ABL1: variants seen among roughly 807,000 people sequenced by gnomAD.
ABL1 encodes the protein tyrosine-protein kinase ABL1.
A neutral mutation model predicts 94.7 loss-of-function variants in ABL1; 11 were observed. The ratio of observed to expected loss-of-function variants is 0.12; its 90% CI spans 0.07 to 0.19. ABL1 has a LOEUF of 0.19. ABL1 is among the 10% of genes least tolerant of loss of function. ABL1 has a pLI of 1.00. For synonymous variants in ABL1, 656 were observed against 622.4 expected (o/e 1.05, Z -0.80); for missense variants, 1,082 against 1,489.4 (o/e 0.73, Z 4.50).
chr9:130,767,113 T>G (rs1832193662), intron 1 of ABL1, among the ~76,000 whole-genome samples: 1 of 151,956 alleles, frequency 6.6e-6, no homozygotes, highest in African/African-American at 2.4e-5. Flanking sequence ...CCAGCTCACA[T>G]GACATCTTTT....
rs1831085078 is a variant in ABL1 at position 130,862,221 on chromosome 9, C to T, written c.550-542C>T. 2.0e-5 allele frequency among the ~76,000 whole-genome samples: 3 copies of T among 152,322 alleles called. No individual in the cohort carries two copies. The highest frequency in any genetic ancestry group is 4.1e-4 in the South Asian group (2 of 4,828). On this transcript the variant is annotated intron_variant, in intron 3 of 10. Transcript: ENST00000318560. This position sits in a 1 kb window ranked among gnomAD's most constrained non-coding sequence, Gnocchi z 5.5. ...TTAATCAACAGTTATTTATTGAGTA[C>T]TTATTACATGTTGATTTCCTGTTCT...
chr9:130,859,669 TTTC>T lies in ABL1; in HGVS notation c.550-3091_550-3089del, dbSNP rs1319119609. On this transcript the variant is annotated intron_variant, in intron 3 of 10. Coordinates refer to ENST00000318560, the MANE Select transcript of ABL1 (RefSeq NM_005157.6). ...GTCAAAAGAAACGCTGTTTCTTTTC[TTTC>T]TTTCCTTTTTTTTTTTTTTTTTTTT... 6.3e-5 allele frequency among the ~76,000 whole-genome samples: 9 copies of T among 143,354 alleles called. 1 individual carries two copies. The highest frequency in any genetic ancestry group is 2.5e-4 in the African/African-American group (9 of 35,942). 94.0% of individuals were successfully genotyped at this position (143,354 alleles called of 152,430 possible).
At chr9:130,730,262 G>C (rs763498019) in intron 1 of ABL1, among the ~76,000 whole-genome samples, 1 of 151,076 alleles carries the variant, frequency 6.6e-6, no homozygotes, top group Admixed American at 6.6e-5. Flanking sequence ...GGCTGGTCTC[G>C]AACGCCCAAC....
chr9:130,790,023 C>A (rs1436021574), intron 1 of ABL1, among the ~76,000 whole-genome samples: 1 of 152,222 alleles, frequency 6.6e-6, no homozygotes, highest in Non-Finnish European at 1.5e-5. Flanking sequence ...AGAATCTTCA[C>A]AATTGATGAA....
rs375188687 is a variant in ABL1, at chr9:130,874,901, G to C, written c.1119G>C (p.Glu373Asp). 28 of 1,614,088 alleles carry C rather than the reference G, an allele frequency of 1.7e-5. No homozygotes were observed. The highest frequency in any genetic ancestry group is 2.5e-6 in the Non-Finnish European group (3 of 1,180,040). The change falls in exon 7 of 11, where the codon GAG (glutamate) becomes GAC (aspartate). Residue 373 changes from glutamate (E) to aspartate (D), a missense_variant. By Grantham distance (45) the Glu-to-Asp change is conservative (BLOSUM62 2). This residue lies in a region of ABL1 where 76 missense variants were observed against 177.1 expected (regional missense o/e 0.43). Transcript: ENST00000318560. ...CTGCCCGAAACTGCCTGGTAGGGGAGAACCACTTGGTGAAGGTAGCTGATT... is the reference window on the plus strand; with the variant it reads ...CTGCCCGAAACTGCCTGGTAGGGGACAACCACTTGGTGAAGGTAGCTGATT... ...DLAARNCLVG[E>D]NHLVKVADFG...
intron 4 of ABL1, among the ~76,000 whole-genome samples, chr9:130,864,099 A>G (rs1391689425): frequency 6.6e-6 from 1 of 152,166 alleles, no homozygotes; most frequent in African/African-American, 2.4e-5. Flanking sequence ...CTTTAGAGAA[A>G]AGATCACATT....
At position 130,872,089 on chromosome 9, in the gene ABL1, T is replaced by A. The variant is rs776465517; in HGVS notation, c.823-40T>A. The stretch of plus-strand genomic sequence containing the variant: ...CAAGTACTTACCCACTGAAAAGCAC[T>A]TCCTGAAATAATTTCACCTTCGTTT... On this transcript the variant is annotated intron_variant, in intron 4 of 10. Transcript: ENST00000318560. This position sits in a 1 kb window ranked among gnomAD's most constrained non-coding sequence, Gnocchi z 5.0. 1 of 1,594,994 alleles carries A rather than the reference T, an allele frequency of 6.3e-7. No homozygotes were observed. Among genetic ancestry groups the A allele is most frequent in the Non-Finnish European group, 8.6e-7 (1 of 1,163,694 alleles).
At chr9:130,719,891 A>C (rs1236391054) in intron 1 of ABL1, among the ~76,000 whole-genome samples, 1 of 152,204 alleles carries the variant, frequency 6.6e-6, no homozygotes, top group African/African-American at 2.4e-5. Context: ...ACTTTTTGCC[A>C]GAATCATTCA....
At chr9:130,760,879 A>G (rs1007148618) in intron 1 of ABL1, among the ~76,000 whole-genome samples, 4 of 140,374 alleles carry the variant, frequency 2.8e-5, no homozygotes, top group Non-Finnish European at 1.5e-5. Context: ...GTTGGCCAGG[A>G]TGGTCTCAAT....
chr9:130,854,051 CT>C lies in ABL1; in HGVS notation c.80-10del. 6.3e-7 allele frequency: 1 copy of C among 1,588,278 alleles called. No homozygotes were observed. The highest frequency in any genetic ancestry group is 1.4e-5 in the African/African-American group (1 of 73,832). On this transcript the variant is annotated splice_polypyrimidine_tract_variant and intron_variant, in intron 1 of 10. Transcript: ENST00000318560. ...TCCTTTTTCTTTTTTCTGTTCCCCC[CT>C]TTCTCTTCCAGAAGCCCTTCAGCGG...
chr9:130,765,380 A>G (rs59465740), intron 1 of ABL1, among the ~76,000 whole-genome samples: 162 of 152,280 alleles, frequency 1.1e-3, no homozygotes, highest in African/African-American at 3.6e-3. Context: ...TCCTGTCTAC[A>G]TGGAAATCCT....
intron 1 of ABL1, among the ~76,000 whole-genome samples, chr9:130,804,936 G>C (rs1830105699): frequency 6.6e-6 from 1 of 152,216 alleles, no homozygotes; most frequent in African/African-American, 2.4e-5. Flanking sequence ...AGGTCTCTCA[G>C]TTAAACAAAG....
Position 130,880,230 on chromosome 9 carries a change from C to G in ABL1, c.1513+73C>G, listed in dbSNP as rs115595208. The G allele has an allele frequency of 4.8e-6, 7 of 1,472,336 alleles. No individual in the cohort carries two copies. In the African/African-American group the frequency reaches 8.4e-5, roughly 18 times the overall value. The allele number at this position is 1,472,336 out of a possible 1,614,324, so 91.2% of individuals were successfully genotyped here. ...ATGTGGGACTGCAGCCTGGGTCATTCGGTTCACTTCCTGGTGAAAGTTCAC... is the reference window on the plus strand; with the variant it reads ...ATGTGGGACTGCAGCCTGGGTCATTGGGTTCACTTCCTGGTGAAAGTTCAC... On this transcript the variant is annotated intron_variant, in intron 9 of 10. Coordinates refer to ENST00000318560, the MANE Select transcript of ABL1 (RefSeq NM_005157.6). The surrounding 1 kb of genome is among the most constrained non-coding windows in gnomAD (Gnocchi z 4.4).
intron 1 of ABL1, among the ~76,000 whole-genome samples, chr9:130,783,646 G>C (rs1829785709): frequency 6.6e-6 from 1 of 150,866 alleles, no homozygotes; most frequent in Admixed American, 6.6e-5. Flanking sequence ...TTTTTTGTTT[G>C]TTTGTTTGTT....
chr9:130,878,624 CTG>C, intron 8 of ABL1, 57 bp downstream of exon 8: 2 of 1,600,206 alleles, frequency 1.2e-6, no homozygotes, highest in Non-Finnish European at 8.5e-7. Flanking sequence ...GGAAATTCAA[CTG>C]TGCAGGAGTG....
chr9:130,840,130 G>A (rs1021760312), intron 1 of ABL1, among the ~76,000 whole-genome samples: 6 of 152,196 alleles, frequency 3.9e-5, no homozygotes, highest in Admixed American at 2.0e-4. Flanking sequence ...AGCCTAAAAT[G>A]GTGGCTTTAC....
intron 1 of ABL1, among the ~76,000 whole-genome samples, chr9:130,765,183 G>A (rs1388293563): frequency 6.6e-6 from 1 of 152,096 alleles, no homozygotes; most frequent in African/African-American, 2.4e-5. Context: ...CTCATGTTTG[G>A]TTATTGGTTT....
At chr9:130,720,622 C>T (rs998093096) in intron 1 of ABL1, among the ~76,000 whole-genome samples, 3 of 152,044 alleles carry the variant, frequency 2.0e-5, no homozygotes, top group Non-Finnish European at 4.4e-5. Context: ...TGTGGGAAGG[C>T]CTTGGAGAAT....
chr9:130,717,153 G>C (rs149548449), intron 1 of ABL1, among the ~76,000 whole-genome samples: 268 of 151,246 alleles, frequency 1.8e-3, no homozygotes, highest in Non-Finnish European at 1.7e-3. Context: ...AGCAATTCTC[G>C]TGCCTCAGCC....
Sources: gnomAD v4.1 joint callset for allele counts (sites outside exome capture counted in the v4.1 genomes callset) on GRCh38, gnomAD v4.1.1 for gene constraint, gnomAD v4.1.1 regional missense constraint, Gnocchi (gnomAD v3.1) non-coding constraint, MANE v1.5 for transcripts, NCBI Gene and HGNC (gene_info 2026-07-23, HGNC 2026-07-21) for gene names.